Variants in RFC3 observed in about 807,000 individuals in gnomAD.
The protein encoded by RFC3 is A1 38 kDa subunit.
A neutral mutation model predicts 45.1 loss-of-function variants in RFC3; 41 were observed. That is an observed-to-expected ratio of 0.91 (90% CI 0.71 to 1.18). The LOEUF (loss-of-function observed/expected upper bound fraction) is 1.18, where lower values mean the gene tolerates loss of function less well. Ranked by LOEUF, RFC3 falls within the 50% of genes most tolerant of loss-of-function variation. The pLI, the probability that RFC3 is intolerant of heterozygous loss-of-function variation, is 0.00. For synonymous variants in RFC3, 149 were observed against 144.0 expected, an observed-to-expected ratio of 1.03 and a Z score of -0.25; for missense variants, 423 against 428.1, an observed-to-expected ratio of 0.99 and a Z score of 0.10.
chr13:33,857,930 AAG>A (rs1439861323), intron 8 of RFC3, among the ~76,000 whole-genome samples: 1 of 152,198 alleles, frequency 6.6e-6, no homozygotes, highest in African/African-American at 2.4e-5. Flanking sequence ...TTTCATCAAA[AAG>A]GGAATTTTTG....
chr13:33,918,276 G>C (rs1414817163), intron 8 of RFC3, among the ~76,000 whole-genome samples: 2 of 152,132 alleles, frequency 1.3e-5, no homozygotes, highest in African/African-American at 4.8e-5. Context: ...ACAGTTATTG[G>C]ATTGGAGAAT....
At chr13:33,925,135 T>TATATAGTGTACTATATACATACAC (rs1566030567) in intron 8 of RFC3, among the ~76,000 whole-genome samples, 1 of 144,100 alleles carries the variant, frequency 6.9e-6, no homozygotes, top group African/African-American at 2.6e-5. Context: ...TATACATGCA[T>TATATAGTGTACTATATACATACAC]ATATAGTGTA....
At chr13:33,858,176 T>G (rs567473252) in intron 8 of RFC3, among the ~76,000 whole-genome samples, 31 of 152,180 alleles carry the variant, frequency 2.0e-4, no homozygotes, top group Non-Finnish European at 3.7e-4. Flanking sequence ...CCAGAGAGAT[T>G]TGATGAAGTT....
chr13:33,948,229 T>C (rs532933302), intron 8 of RFC3, among the ~76,000 whole-genome samples: 1 of 152,302 alleles, frequency 6.6e-6, no homozygotes, highest in East Asian at 1.9e-4. Flanking sequence ...TAGCTGTGGC[T>C]AAAGGGGCCA....
chr13:33,828,011 A>G (rs2082066598), intron 4 of RFC3, among the ~76,000 whole-genome samples: 1 of 152,054 alleles, frequency 6.6e-6, no homozygotes, highest in Admixed American at 6.6e-5. Flanking sequence ...AAAAAAAAAA[A>G]TTAGGCTCAT....
chr13:33,819,859 CA>C, intron 1 of RFC3, among the ~76,000 whole-genome samples: 1 of 152,280 alleles, frequency 6.6e-6, no homozygotes, highest in South Asian at 2.1e-4. Context: ...ACATTTAAAG[CA>C]TAACCCTTAT....
At position 33,916,828 on chromosome 13, in the gene RFC3, G is replaced by A. The variant is rs184484412; in HGVS notation, c.880-49259G>A. On this transcript the variant is annotated intron_variant, in intron 8 of 8. Transcript: ENST00000434425. ...TGTGTGTATATATGTGTGTATGCAT[G>A]TGTATGTATGTGCACTAAATGTTTT... Among the ~76,000 whole-genome samples the A allele has an allele frequency of 2.9e-3, 435 of 151,236 alleles. 1 individual carries two copies. The highest frequency in any genetic ancestry group is 0.01 in the African/African-American group (414 of 40,606).
intron 8 of RFC3, chr13:33,846,416 G>A (rs1054374001): frequency 1.3e-5 from 2 of 152,264 alleles, no homozygotes; most frequent in Non-Finnish European, 1.5e-5. Flanking sequence ...GCTAGGTCCT[G>A]GAATGAGGCC....
chr13:33,909,597 C>T (rs1566024716), intron 8 of RFC3, among the ~76,000 whole-genome samples: 2 of 152,088 alleles, frequency 1.3e-5, no homozygotes, highest in Non-Finnish European at 2.9e-5. Context: ...CTTCTTTCTG[C>T]TCTTCCTGCT....
chr13:33,891,148 C>G (rs2082561054), intron 8 of RFC3, among the ~76,000 whole-genome samples: 1 of 152,094 alleles, frequency 6.6e-6, no homozygotes, highest in South Asian at 2.1e-4. Context: ...AGAAACTAAG[C>G]ATTTTTACAA....
At chr13:33,831,490 T>C (rs1043012436) in intron 7 of RFC3, 136 bp downstream of exon 7, 1 of 574,838 alleles carries the variant, frequency 1.7e-6, no homozygotes, top group Admixed American at 3.2e-5. Context: ...AAGGAAAATG[T>C]AGCATTTAAC....
intron 8 of RFC3, among the ~76,000 whole-genome samples, chr13:33,853,246 A>G (rs1034862173): frequency 2.0e-5 from 3 of 152,198 alleles, no homozygotes; most frequent in Non-Finnish European, 4.4e-5. Flanking sequence ...ATTGGCTCTG[A>G]ATACATTAAT....
At chr13:33,920,420 CTTTTTTTTTTTTTTT>C (rs777079510) in intron 8 of RFC3, among the ~76,000 whole-genome samples, 1 of 83,168 alleles carries the variant, frequency 1.2e-5, no homozygotes, top group Non-Finnish European at 2.3e-5. Context: ...TACAACCACA[CTTTTTTTTTTTTTTT>C]TTTTTTTTTT....
intron 8 of RFC3, among the ~76,000 whole-genome samples, chr13:33,909,174 C>A (rs373075401): frequency 3.3e-5 from 5 of 151,212 alleles, no homozygotes; most frequent in Admixed American, 6.6e-5. Context: ...TTTTTTCAGG[C>A]GAGATTTAAG....
At chr13:33,823,065 G>A (rs982727730) in intron 2 of RFC3, among the ~76,000 whole-genome samples, 2 of 152,114 alleles carry the variant, frequency 1.3e-5, no homozygotes, top group African/African-American at 4.8e-5. Flanking sequence ...AAGGATGTTT[G>A]ACCTTTGTGA....
At chr13:33,916,735 T>C (rs182663358) in intron 8 of RFC3, among the ~76,000 whole-genome samples, 4 of 150,626 alleles carry the variant, frequency 2.7e-5, no homozygotes, top group Non-Finnish European at 4.4e-5. Flanking sequence ...CATATACACA[T>C]AGGTGTGTAT....
intron 8 of RFC3, among the ~76,000 whole-genome samples, chr13:33,853,035 T>C (rs2082285992): frequency 6.6e-6 from 1 of 152,162 alleles, no homozygotes; most frequent in Non-Finnish European, 1.5e-5. Context: ...GGCAACTAGC[T>C]CTGCATGTAT....
At chr13:33,956,867 C>G (rs1027737079) in intron 8 of RFC3, among the ~76,000 whole-genome samples, 1 of 152,170 alleles carries the variant, frequency 6.6e-6, no homozygotes. Flanking sequence ...AGGATATAAT[C>G]TTGTACATCT....
intron 8 of RFC3, among the ~76,000 whole-genome samples, chr13:33,859,602 T>G (rs2082328043): frequency 6.6e-6 from 1 of 152,210 alleles, no homozygotes; most frequent in Non-Finnish European, 1.5e-5. Flanking sequence ...TATGGATAAT[T>G]CCTATTTTTT....
Sources: gnomAD v4.1 joint callset for allele counts (sites outside exome capture counted in the v4.1 genomes callset) on GRCh38, gnomAD v4.1.1 for gene constraint, MANE v1.5 for transcripts, NCBI Gene and HGNC (gene_info 2026-07-23, HGNC 2026-07-21) for gene names.